Variants in FGF14 observed in about 807,000 individuals in gnomAD.
FGF14 encodes the protein fibroblast growth factor 14, also known as fibroblast growth factor homologous factor 4.
In FGF14, 5 loss-of-function variants were observed where a neutral mutation model predicts 25.5. That is an observed-to-expected ratio of 0.20 (90% CI 0.10 to 0.41). FGF14 has a LOEUF of 0.41. Among genes scored for constraint, FGF14 ranks in the 10% least tolerant of loss-of-function variants. The pLI is 1.00. For synonymous variants in FGF14, 138 were observed against 118.3 expected (o/e 1.17, Z -1.08); for missense variants, 222 against 320.1 (o/e 0.69, Z 2.34).
intron 1 of FGF14, among the ~76,000 whole-genome samples, chr13:102,132,027 T>C (rs2046219338): frequency 6.6e-6 from 1 of 152,148 alleles, no homozygotes; most frequent in Non-Finnish European, 1.5e-5. Flanking sequence ...TGTTTTGTTT[T>C]GTTTTGGTTT....
intron 1 of FGF14, among the ~76,000 whole-genome samples, chr13:101,965,728 A>G (rs1392942206): frequency 6.6e-6 from 1 of 151,948 alleles, no homozygotes; most frequent in African/African-American, 2.4e-5. Flanking sequence ...TCTAAAGAAA[A>G]AAAGATGGAT....
chr13:101,722,484 C>CA lies in FGF14; in HGVS notation c.*346dup. On this transcript the variant is annotated 3_prime_UTR_variant, in exon 5 of 5. Coordinates refer to ENST00000376143, the MANE Select transcript of FGF14 (RefSeq NM_004115.4). ...ACATAGATTTCGCTGAAACAGGACT[C>CA]AAAAAGGATTATGGGTAGCTGTCAG... 2.9e-6 allele frequency: 1 copy of CA among 350,688 alleles called. No individual in the cohort carries two copies. Among genetic ancestry groups the CA allele is most frequent in the Non-Finnish European group, 5.5e-6 (1 of 182,422 alleles). The allele number at this position is 350,688 out of a possible 1,614,324, so 21.7% of individuals were successfully genotyped here.
At chr13:102,394,770 T>A (rs979364444) in intron 1 of FGF14, 3 of 152,170 alleles carry the variant, frequency 2.0e-5, no homozygotes, top group African/African-American at 7.2e-5. Context: ...CCCGTTGGGC[T>A]CCCTCCTCCT....
intron 1 of FGF14, among the ~76,000 whole-genome samples, chr13:102,304,528 C>A (rs947050997): frequency 5.9e-5 from 9 of 152,108 alleles, no homozygotes; most frequent in Non-Finnish European, 1.3e-4. Context: ...GTGGTCCTAA[C>A]CAGCCTTCAA....
intron 1 of FGF14, chr13:102,292,765 T>A (rs1010028796): frequency 6.6e-6 from 1 of 152,226 alleles, no homozygotes; most frequent in African/African-American, 2.4e-5. Flanking sequence ...ACAGGTCAAG[T>A]ATTAGACACA....
At chr13:102,227,772 T>C (rs575959451) in intron 1 of FGF14, among the ~76,000 whole-genome samples, 2 of 152,238 alleles carry the variant, frequency 1.3e-5, no homozygotes, top group East Asian at 1.9e-4. Context: ...GAGTCCTCAG[T>C]AAAGGGGATG....
chr13:102,242,221 A>T (rs1245558686), intron 1 of FGF14, among the ~76,000 whole-genome samples: 1 of 152,162 alleles, frequency 6.6e-6, no homozygotes, highest in African/African-American at 2.4e-5. Context: ...TTCCTCAGGC[A>T]ATACAGAAAA....
intron 1 of FGF14, chr13:102,367,521 C>CA (rs1198520956): frequency 6.6e-6 from 1 of 152,036 alleles, no homozygotes; most frequent in Non-Finnish European, 1.5e-5. Context: ...TATTCACTGA[C>CA]AGAGGGAACA....
chr13:102,012,764 G>C (rs2040147181), intron 1 of FGF14, among the ~76,000 whole-genome samples: 1 of 152,156 alleles, frequency 6.6e-6, no homozygotes, highest in African/African-American at 2.4e-5. Flanking sequence ...ATAGAGAGCA[G>C]CTCTCCCGTG....
chr13:101,904,477 C>T (rs993157712), intron 1 of FGF14, among the ~76,000 whole-genome samples: 1 of 152,036 alleles, frequency 6.6e-6, no homozygotes, highest in African/African-American at 2.4e-5. Flanking sequence ...ATGATGACAC[C>T]AGTTATTGCT....
intron 3 of FGF14, among the ~76,000 whole-genome samples, chr13:101,746,582 G>A (rs2036906397): frequency 1.3e-5 from 2 of 151,988 alleles, no homozygotes; most frequent in Admixed American, 6.6e-5. Context: ...AGTAGATGAA[G>A]CTACTTATTT....
At chr13:101,938,615 T>TA (rs1398696944) in intron 1 of FGF14, among the ~76,000 whole-genome samples, 2 of 152,244 alleles carry the variant, frequency 1.3e-5, no homozygotes, top group Non-Finnish European at 2.9e-5. Context: ...ATGAGGATTA[T>TA]ACAACTTATT....
intron 1 of FGF14, among the ~76,000 whole-genome samples, chr13:102,070,816 CTG>C (rs2043123099): frequency 6.6e-6 from 1 of 152,148 alleles, no homozygotes. Flanking sequence ...CCTCTGTAGA[CTG>C]TAGTACAAAG....
intron 1 of FGF14, among the ~76,000 whole-genome samples, chr13:101,888,707 C>T (rs1216606909): frequency 6.6e-6 from 1 of 152,148 alleles, no homozygotes. Flanking sequence ...ATGAGCATCT[C>T]CCTGATCAAC....
chr13:101,878,631 G>A (rs569875189), intron 1 of FGF14, among the ~76,000 whole-genome samples: 95 of 152,034 alleles, frequency 6.2e-4, no homozygotes, highest in African/African-American at 2.2e-3. Context: ...TGGATTTTGT[G>A]GTTAAAAACA....
chr13:102,121,368 A>T (rs1231747091), intron 1 of FGF14, among the ~76,000 whole-genome samples: 1 of 152,138 alleles, frequency 6.6e-6, no homozygotes, highest in East Asian at 1.9e-4. Context: ...TTTTTATCCC[A>T]TCCATCTCCA....
rs541468192 is a variant in FGF14, at chr13:102,127,836, A to G, written c.209-252540T>C. On this transcript the variant is annotated intron_variant, in intron 1 of 4. Coordinates refer to the FGF14 transcript ENST00000376131. ...TTAGAAGTGCTACATATTTTTTAAC[A>G]ATGATTCTTTTGCATCATGTTAGCT... is the stretch of plus-strand genomic sequence containing the variant. 3.9e-5 allele frequency among the ~76,000 whole-genome samples: 6 copies of G among 152,360 alleles called. No homozygotes were observed. The South Asian group carries it at 1.0e-3, about 26-fold the overall frequency.
intron 1 of FGF14, among the ~76,000 whole-genome samples, chr13:102,269,208 C>T (rs74109581): frequency 0.025 from 3,774 of 152,208 alleles, 154 homozygotes; most frequent in African/African-American, 0.085. Context: ...TGGACATATG[C>T]AAATTCAACA....
chr13:102,092,684 G>A (rs2044219164), intron 1 of FGF14, among the ~76,000 whole-genome samples: 1 of 152,010 alleles, frequency 6.6e-6, no homozygotes, highest in Non-Finnish European at 1.5e-5. Context: ...ACTAGTACAG[G>A]TAATAACAAT....
Sources: gnomAD v4.1 joint callset for allele counts (sites outside exome capture counted in the v4.1 genomes callset) on GRCh38, gnomAD v4.1.1 for gene constraint, MANE v1.5 for transcripts, NCBI Gene and HGNC (gene_info 2026-07-23, HGNC 2026-07-21) for gene names.